Variants in RBM46 observed in about 807,000 individuals in gnomAD.
RBM46 encodes probable RNA-binding protein 46.
RBM46 carries 12 observed loss-of-function variants against 43.3 expected under a neutral mutation model. The observed-to-expected ratio is 0.28, with a 90% CI of 0.18 to 0.45. RBM46 has a LOEUF of 0.45. Ranked by LOEUF, RBM46 falls within the 20% of genes least tolerant of loss-of-function variation. The pLI is 1.00. For synonymous variants in RBM46, 205 were observed against 207.6 expected (o/e 0.99, Z 0.11); for missense variants, 412 against 639.1 (o/e 0.64, Z 3.83).
chr4:154,787,327 T>TC (rs1733830441), intron 1 of RBM46: 1 of 54,202 alleles, frequency 1.8e-5, no homozygotes, highest in Admixed American at 2.4e-4. Flanking sequence ...ATGCTATCCC[T>TC]CCCCCCTCCC....
intron 1 of RBM46, chr4:154,786,983 T>C (rs1340969715): frequency 6.6e-6 from 1 of 152,088 alleles, no homozygotes; most frequent in Non-Finnish European, 1.5e-5. Flanking sequence ...CTAAAAGCAA[T>C]ATAAATGAGA....
Position 154,799,497 on chromosome 4 carries a change from A to G in RBM46, c.1335A>G (p.Pro445=). The G allele has an allele frequency of 6.2e-7, 1 of 1,612,312 alleles. No homozygotes were observed. ...IANGSQSYFM[P]DKLCTTLEDA... ...ATGGATCCCAGAGTTACTTCATGCC[A>G]GACAAACTCTGTACTACGTTAGAAG... The change falls in exon 4 of 5, where the codon CCA becomes CCG. Residue 445 remains proline (P), a synonymous_variant. Coordinates refer to ENST00000281722, the MANE Select transcript of RBM46 (RefSeq NM_144979.5).
At chr4:154,788,492 G>A (rs1218443149) in intron 1 of RBM46, among the ~76,000 whole-genome samples, 1 of 152,150 alleles carries the variant, frequency 6.6e-6, no homozygotes, top group Non-Finnish European at 1.5e-5. Flanking sequence ...AGATCAGATG[G>A]TTGTAGATGT....
intron 4 of RBM46, chr4:154,826,920 T>C: frequency 7.4e-7 from 1 of 1,342,456 alleles, no homozygotes; most frequent in Non-Finnish European, 9.5e-7. Flanking sequence ...AAACCTTACC[T>C]GTACATTAGA....
At chr4:154,782,154 C>A (rs1161747930) in intron 1 of RBM46, among the ~76,000 whole-genome samples, 1 of 152,190 alleles carries the variant, frequency 6.6e-6, no homozygotes, top group Non-Finnish European at 1.5e-5. Flanking sequence ...GACACACGGA[C>A]GGCAGCACAC....
At chr4:154,819,221 C>G (rs542191832) in intron 4 of RBM46, among the ~76,000 whole-genome samples, 207 of 152,144 alleles carry the variant, frequency 1.4e-3, no homozygotes, top group Non-Finnish European at 2.5e-3. Context: ...ACTGACAAAC[C>G]CAGATTGCTT....
chr4:154,810,817 AAATTTACTTTTT>A (rs1398697387), intron 4 of RBM46, among the ~76,000 whole-genome samples: 1 of 152,174 alleles, frequency 6.6e-6, no homozygotes, highest in Non-Finnish European at 1.5e-5. Flanking sequence ...GCCCTCTGAG[AAATTTACTTTTT>A]AATTTACTTT....
rs569967920 is a variant in RBM46 at position 154,789,147 on chromosome 4, C to T, written c.-11-7595C>T. ...CAGGGACAATTTGACTTCCTCTTTT[C>T]CTAATTGAATACCCTTTATTTATTT... is the stretch of plus-strand genomic sequence containing the variant. On this transcript the variant is annotated intron_variant, in intron 1 of 4. Coordinates refer to ENST00000281722, the MANE Select transcript of RBM46 (RefSeq NM_144979.5). Among the ~76,000 whole-genome samples, 3 of 152,256 alleles carry T rather than the reference C, an allele frequency of 2.0e-5. No homozygotes were observed. The East Asian group carries it at 5.8e-4, about 29-fold the overall frequency.
chr4:154,785,124 T>C (rs1733695410), intron 1 of RBM46, among the ~76,000 whole-genome samples: 1 of 152,150 alleles, frequency 6.6e-6, no homozygotes, highest in South Asian at 2.1e-4. Context: ...GATTGGTGAC[T>C]CTTCAGTGTG....
intron 1 of RBM46, among the ~76,000 whole-genome samples, chr4:154,785,383 AT>A (rs1733711915): frequency 6.6e-6 from 1 of 151,474 alleles, no homozygotes; most frequent in Admixed American, 6.6e-5. Context: ...GAAATCAGCC[AT>A]TTGGAGCTAG....
chr4:154,821,854 A>C (rs1735735401), intron 4 of RBM46, among the ~76,000 whole-genome samples: 2 of 151,850 alleles, frequency 1.3e-5, no homozygotes, highest in South Asian at 4.1e-4. Context: ...GAAAAACTGT[A>C]TACTAAATAC....
chr4:154,819,783 A>G (rs555257740), intron 4 of RBM46, among the ~76,000 whole-genome samples: 1 of 152,278 alleles, frequency 6.6e-6, no homozygotes. Context: ...GCTTTAAGGC[A>G]TATGAAGAGG....
chr4:154,802,696 T>C (rs1734698037), intron 4 of RBM46, among the ~76,000 whole-genome samples: 1 of 152,200 alleles, frequency 6.6e-6, no homozygotes, highest in Non-Finnish European at 1.5e-5. Context: ...AAGTCATCTT[T>C]TGGCTCTATT....
intron 4 of RBM46, among the ~76,000 whole-genome samples, chr4:154,809,344 T>C (rs989570856): frequency 2.6e-5 from 4 of 152,090 alleles, no homozygotes; most frequent in African/African-American, 7.2e-5. Context: ...CTCATTTGAA[T>C]TGATATATTG....
chr4:154,812,733 C>T (rs1391228433), intron 4 of RBM46, among the ~76,000 whole-genome samples: 2 of 152,164 alleles, frequency 1.3e-5, no homozygotes, highest in East Asian at 1.9e-4. Context: ...ACTCCACATT[C>T]TCCTGTTCAG....
chr4:154,803,895 T>C lies in RBM46; in HGVS notation c.1402+4331T>C, dbSNP rs181408462. Among the ~76,000 whole-genome samples the C allele has an allele frequency of 3.7e-3, 570 of 152,112 alleles. 3 individuals carry two copies. Among genetic ancestry groups the C allele is most frequent in the Middle Eastern group, 0.014 (4 of 294 alleles). Reference sequence around the variant, plus strand: ...GAGTTGGGGTCTGGTGGGAGGTGATTGGATCATGGCGGTGGATTTCTCATG... The same window carrying C: ...GAGTTGGGGTCTGGTGGGAGGTGATCGGATCATGGCGGTGGATTTCTCATG... On this transcript the variant is annotated intron_variant, in intron 4 of 4. Transcript: ENST00000281722.
intron 3 of RBM46, 81 bp from the exon 4 acceptor site, chr4:154,798,701 C>T (rs954459623): frequency 3.6e-6 from 4 of 1,124,276 alleles, no homozygotes; most frequent in Admixed American, 3.6e-5. Context: ...TTCTGCTTCT[C>T]TGGGGAAACA....
chr4:154,826,905 GA>G, intron 4 of RBM46: 1 of 1,383,082 alleles, frequency 7.2e-7, no homozygotes. Context: ...CAGTATTATA[GA>G]AAAAAACCTT....
Position 154,804,816 on chromosome 4 carries a change from T to G in RBM46, c.1402+5252T>G, listed in dbSNP as rs1357796486. On this transcript the variant is annotated intron_variant, in intron 4 of 4. Transcript: ENST00000281722. ...TCTGGACAAAAATGATTAAGGTTGT[T>G]TTTTTTTTTTTTTTTTTTTTAAACA... 5.2e-5 allele frequency among the ~76,000 whole-genome samples: 4 copies of G among 76,688 alleles called. No individual in the cohort carries two copies. The African/African-American group carries it at 5.3e-4, about 10-fold the overall frequency. The allele number at this position is 76,688 out of a possible 152,430, so 50.3% of individuals were successfully genotyped here.
Sources: gnomAD v4.1 joint callset for allele counts (sites outside exome capture counted in the v4.1 genomes callset) on GRCh38, gnomAD v4.1.1 for gene constraint, MANE v1.5 for transcripts, NCBI Gene and HGNC (gene_info 2026-07-23, HGNC 2026-07-21) for gene names.